CNTN4: variants seen among roughly 807,000 people sequenced by gnomAD.
CNTN4 encodes the protein contactin-4.
Under a neutral mutation model 122.5 loss-of-function variants are expected in CNTN4, and 77 were observed. That is an observed-to-expected ratio of 0.63 (90% CI 0.52 to 0.76). The LOEUF (loss-of-function observed/expected upper bound fraction) is 0.76. CNTN4 is among the 30% of genes least tolerant of loss of function. CNTN4 has a pLI of 0.00. For synonymous variants in CNTN4, 512 were observed against 447.0 expected, an observed-to-expected ratio of 1.15 and a Z score of -1.83; for missense variants, 1,256 against 1,259.1, an observed-to-expected ratio of 1.00 and a Z score of 0.04.
chr3:3,019,430 G>A (rs1488862296), intron 14 of CNTN4, among the ~76,000 whole-genome samples: 1 of 151,956 alleles, frequency 6.6e-6, no homozygotes, highest in Non-Finnish European at 1.5e-5. Flanking sequence ...CCGAGTAGCT[G>A]GGACTACAGG....
intron 7 of CNTN4, among the ~76,000 whole-genome samples, chr3:2,840,723 A>T (rs1264049190): frequency 6.6e-6 from 1 of 151,828 alleles, no homozygotes; most frequent in Admixed American, 6.6e-5. Context: ...TAAAAATAAA[A>T]AAATAAAAGC....
chr3:2,451,595 TAATA>T (rs1482553784), intron 3 of CNTN4, among the ~76,000 whole-genome samples: 2 of 152,050 alleles, frequency 1.3e-5, no homozygotes, highest in African/African-American at 2.4e-5. Flanking sequence ...ATCAAATTTT[TAATA>T]AATATTAGTT....
intron 2 of CNTN4, among the ~76,000 whole-genome samples, chr3:2,103,994 T>C (rs1197871274): frequency 6.7e-6 from 1 of 148,768 alleles, no homozygotes; most frequent in Non-Finnish European, 1.5e-5. Flanking sequence ...TAAAGAGTGA[T>C]TTTTTTCCTC....
chr3:2,568,626 CT>C (rs2079286929), intron 3 of CNTN4, among the ~76,000 whole-genome samples: 1 of 152,134 alleles, frequency 6.6e-6, no homozygotes, highest in Non-Finnish European at 1.5e-5. Context: ...ACTTCGTATC[CT>C]GCACCAGAGT....
Position 2,839,883 on chromosome 3 carries a change from A to G in CNTN4, c.454+20302A>G, listed in dbSNP as rs986216997. ...TGGGAATCCCTGGAACAGTCCGAAT[A>G]GCAATCTAGGGACTTTTTTAAAATT... is the stretch of plus-strand genomic sequence containing the variant. On this transcript the variant is annotated intron_variant, in intron 7 of 24. Transcript: ENST00000418658. 5.9e-5 allele frequency among the ~76,000 whole-genome samples: 9 copies of G among 152,228 alleles called. No homozygotes were observed. In the East Asian group the frequency reaches 1.7e-3, roughly 29 times the overall value.
chr3:2,815,771 G>T (rs2092711201), intron 6 of CNTN4, among the ~76,000 whole-genome samples: 1 of 151,900 alleles, frequency 6.6e-6, no homozygotes, highest in East Asian at 1.9e-4. Flanking sequence ...GTTTAAAAAA[G>T]ATACTTGCAC....
intron 2 of CNTN4, among the ~76,000 whole-genome samples, chr3:2,156,477 T>C (rs1328423743): frequency 6.6e-6 from 1 of 152,230 alleles, no homozygotes; most frequent in African/African-American, 2.4e-5. Context: ...ATCGGATTCC[T>C]GTCCACTCCC....
intron 4 of CNTN4, among the ~76,000 whole-genome samples, chr3:2,686,772 C>A (rs1041377657): frequency 6.6e-6 from 1 of 152,146 alleles, no homozygotes; most frequent in Non-Finnish European, 1.5e-5. Flanking sequence ...AAAGTTTGAC[C>A]ATGCTATCCT....
Position 2,678,164 on chromosome 3 carries a change from G to A in CNTN4, c.56-58051G>A, listed in dbSNP as rs563594360. Among the ~76,000 whole-genome samples the A allele has an allele frequency of 3.0e-4, 46 of 152,190 alleles. No homozygotes were observed. The South Asian group carries it at 7.3e-3, about 24-fold the overall frequency. ...TACTATACTTAATACCACTCTTATT[G>A]TAGTGATTTTTCTTTTAATGCTATT... On this transcript the variant is annotated intron_variant, in intron 4 of 24. Coordinates refer to ENST00000418658, the MANE Select transcript of CNTN4 (RefSeq NM_175607.3).
At chr3:2,476,131 G>A (rs928425582) in intron 3 of CNTN4, among the ~76,000 whole-genome samples, 3 of 152,196 alleles carry the variant, frequency 2.0e-5, no homozygotes, top group African/African-American at 4.8e-5. Flanking sequence ...CTCCTTTAGG[G>A]TGGGACTGCT....
intron 8 of CNTN4, among the ~76,000 whole-genome samples, chr3:2,881,619 T>G (rs111534689): frequency 1.4e-5 from 2 of 141,372 alleles, no homozygotes; most frequent in Non-Finnish European, 1.5e-5. Flanking sequence ...AAATCATTTC[T>G]CTTTGTGATT....
At chr3:2,885,701 A>G (rs1387813107) in intron 9 of CNTN4, among the ~76,000 whole-genome samples, 1 of 152,216 alleles carries the variant, frequency 6.6e-6, no homozygotes, top group African/African-American at 2.4e-5. Context: ...GAATTTTATT[A>G]TATCTTACAA....
At chr3:2,233,382 G>A (rs896625388) in intron 2 of CNTN4, among the ~76,000 whole-genome samples, 3 of 152,082 alleles carry the variant, frequency 2.0e-5, no homozygotes, top group Admixed American at 6.6e-5. Flanking sequence ...TTAAGTGGTC[G>A]ATCAAGAAGC....
intron 21 of CNTN4, 55 bp downstream of exon 21, chr3:3,042,477 G>GTCC: frequency 1.8e-6 from 2 of 1,116,262 alleles, no homozygotes; most frequent in Non-Finnish European, 2.7e-6. Context: ...CCCTTGATAA[G>GTCC]TCCTCCAAGT....
chr3:2,120,147 G>A (rs1355015334), intron 2 of CNTN4, among the ~76,000 whole-genome samples: 1 of 151,506 alleles, frequency 6.6e-6, no homozygotes. Context: ...AAGTTGTCAT[G>A]GGTCAAGAAA....
chr3:2,961,916 C>G (rs2094864400), intron 13 of CNTN4, among the ~76,000 whole-genome samples: 1 of 152,198 alleles, frequency 6.6e-6, no homozygotes, highest in Middle Eastern at 3.2e-3. Flanking sequence ...TTTTGTGTTC[C>G]TGCTTTCAGT....
At chr3:2,629,925 C>T (rs1018104651) in intron 4 of CNTN4, among the ~76,000 whole-genome samples, 81 of 152,224 alleles carry the variant, frequency 5.3e-4, no homozygotes, top group African/African-American at 1.9e-3. Context: ...CTATGTTTCT[C>T]GTTAATATAA....
intron 7 of CNTN4, among the ~76,000 whole-genome samples, chr3:2,828,827 A>G (rs1020323579): frequency 6.6e-6 from 1 of 152,138 alleles, no homozygotes; most frequent in Non-Finnish European, 1.5e-5. Flanking sequence ...TGCAGCCTGA[A>G]ACCGGGCTCA....
At chr3:2,449,475 C>T (rs1053856180) in intron 3 of CNTN4, among the ~76,000 whole-genome samples, 6 of 151,958 alleles carry the variant, frequency 3.9e-5, no homozygotes, top group Non-Finnish European at 8.8e-5. Flanking sequence ...ATTAGCCGGG[C>T]GTGGTGATGC....
Sources: gnomAD v4.1 joint callset for allele counts (sites outside exome capture counted in the v4.1 genomes callset) on GRCh38, gnomAD v4.1.1 for gene constraint, MANE v1.5 for transcripts, NCBI Gene and HGNC (gene_info 2026-07-23, HGNC 2026-07-21) for gene names.